SAMMSON: variants seen among roughly 807,000 people sequenced by gnomAD.
SAMMSON encodes long intergenic non-protein coding RNA 1212.
At chr3:70,030,544 A>G (rs1020199423) in intron 3 of SAMMSON, 1 of 152,184 alleles carries the variant, frequency 6.6e-6, no homozygotes, top group Admixed American at 6.5e-5. Flanking sequence ...TATGTCTGAC[A>G]TCAGTATCCT....
At chr3:70,336,326 T>A (rs1216996106) in intron 7 of SAMMSON, among the ~76,000 whole-genome samples, 1 of 152,060 alleles carries the variant, frequency 6.6e-6, no homozygotes, top group East Asian at 1.9e-4. Context: ...AATTTTAATA[T>A]AGTTTCTTTG....
At chr3:70,147,351 C>T (rs535738034) in intron 4 of SAMMSON, among the ~76,000 whole-genome samples, 5 of 151,906 alleles carry the variant, frequency 3.3e-5, no homozygotes, top group South Asian at 4.2e-4. Context: ...AAGAGATTTA[C>T]AATGGTCAAA....
intron 4 of SAMMSON, among the ~76,000 whole-genome samples, chr3:70,240,441 T>A (rs1701656343): frequency 6.6e-6 from 1 of 152,110 alleles, no homozygotes; most frequent in South Asian, 2.1e-4. Flanking sequence ...AGAACATATA[T>A]TTTTGACACA....
At chr3:70,256,694 G>C (rs11915338) in intron 6 of SAMMSON, among the ~76,000 whole-genome samples, 3,559 of 152,274 alleles carry the variant, frequency 0.023, 151 homozygotes, top group African/African-American at 0.081. Context: ...GTATGGGGAA[G>C]CAATGGAAAG....
chr3:70,018,497 G>C (rs2066996973), intron 3 of SAMMSON, among the ~76,000 whole-genome samples: 1 of 152,054 alleles, frequency 6.6e-6, no homozygotes, highest in Non-Finnish European at 1.5e-5. Context: ...CTTGCTAGCA[G>C]TCTATCAATT....
At chr3:70,419,105 A>G (rs1476700774) in intron 2 of SAMMSON, among the ~76,000 whole-genome samples, 2 of 151,194 alleles carry the variant, frequency 1.3e-5, no homozygotes, top group East Asian at 3.9e-4. Context: ...GCTCACTGCA[A>G]TCTCTGCCTC....
At chr3:70,332,590 C>A (rs1447314685) in intron 7 of SAMMSON, 8 of 152,264 alleles carry the variant, frequency 5.3e-5, no homozygotes, top group African/African-American at 7.2e-5. Flanking sequence ...GTGTCTGGCA[C>A]CAGGAAAATT....
At chr3:70,405,429 C>T in intron 2 of SAMMSON, among the ~76,000 whole-genome samples, 1 of 152,084 alleles carries the variant, frequency 6.6e-6, no homozygotes, top group South Asian at 2.1e-4. Context: ...GACCCATGAC[C>T]AGAAGGAAAG....
chr3:70,425,786 C>A (rs536292421), intron 2 of SAMMSON, among the ~76,000 whole-genome samples: 1 of 150,350 alleles, frequency 6.7e-6, no homozygotes, highest in South Asian at 2.1e-4. Context: ...AAATTAGTTC[C>A]TTTTCTTTGA....
At chr3:70,356,671 T>C (rs986671053) in intron 8 of SAMMSON, among the ~76,000 whole-genome samples, 10 of 152,154 alleles carry the variant, frequency 6.6e-5, no homozygotes, top group African/African-American at 2.4e-4. Flanking sequence ...TCTTAAACTT[T>C]TAAAATACCT....
intron 4 of SAMMSON, among the ~76,000 whole-genome samples, chr3:70,105,210 A>C (rs1048414569): frequency 6.6e-6 from 1 of 152,270 alleles, no homozygotes; most frequent in East Asian, 1.9e-4. Flanking sequence ...TTGCTTTCCT[A>C]TTGTTGAAGA....
chr3:70,008,437 G>C (rs1354206278), intron 1 of SAMMSON, among the ~76,000 whole-genome samples: 26 of 151,442 alleles, frequency 1.7e-4, no homozygotes, highest in Admixed American at 1.6e-3. Context: ...TCATGATTTG[G>C]CTCTCTGTTA....
chr3:70,393,116 A>T (rs1230703292), downstream of SAMMSON, among the ~76,000 whole-genome samples: 1 of 152,188 alleles, frequency 6.6e-6, no homozygotes, highest in Non-Finnish European at 1.5e-5. Flanking sequence ...TATGATCATG[A>T]TGCTTTCTTC....
At chr3:70,274,847 T>G (rs182175330) in intron 6 of SAMMSON, among the ~76,000 whole-genome samples, 76 of 152,348 alleles carry the variant, frequency 5.0e-4, no homozygotes, top group Admixed American at 1.1e-3. Flanking sequence ...GCTAGTGATG[T>G]AACTAAAACC....
intron 3 of SAMMSON, among the ~76,000 whole-genome samples, chr3:70,041,787 A>G (rs567412095): frequency 6.6e-6 from 1 of 152,242 alleles, no homozygotes; most frequent in South Asian, 2.1e-4. Flanking sequence ...TTATATGCAG[A>G]TTTTGATATC....
At chr3:70,308,177 A>C (rs553836781) in intron 7 of SAMMSON, among the ~76,000 whole-genome samples, 1 of 152,228 alleles carries the variant, frequency 6.6e-6, no homozygotes, top group South Asian at 2.1e-4. Flanking sequence ...CAGTCTGTCT[A>C]GTAGTTGGGA....
intron 3 of SAMMSON, among the ~76,000 whole-genome samples, chr3:70,040,886 C>T (rs990083510): frequency 1.3e-5 from 2 of 152,098 alleles, no homozygotes; most frequent in African/African-American, 4.8e-5. Context: ...AAACCTGCTG[C>T]ACCTCTGAGT....
intron 4 of SAMMSON, among the ~76,000 whole-genome samples, chr3:70,086,111 C>T (rs980435005): frequency 6.6e-6 from 1 of 152,190 alleles, no homozygotes; most frequent in African/African-American, 2.4e-5. Flanking sequence ...GTCATTTCAA[C>T]AAAAGGTCAG....
intron 4 of SAMMSON, among the ~76,000 whole-genome samples, chr3:70,158,051 A>T (rs1379764913): frequency 1.3e-5 from 2 of 152,150 alleles, no homozygotes. Context: ...TTCATTCAGC[A>T]TATTTAGCAT....
Sources: allele counts gnomAD v4.1 joint callset (sites outside exome capture counted in the v4.1 genomes callset), GRCh38; gene constraint gnomAD v4.1.1; transcripts MANE v1.5; gene names NCBI Gene and HGNC (gene_info 2026-07-23, HGNC 2026-07-21).